Variants in EHBP1 observed in about 807,000 individuals in gnomAD.
The protein encoded by EHBP1 is EH domain binding protein 1, also known as EH domain-binding protein 1.
In EHBP1, 55 loss-of-function variants were observed where a neutral mutation model predicts 144.0. The observed-to-expected ratio is 0.38, with a 90% CI of 0.31 to 0.48. The LOEUF (loss-of-function observed/expected upper bound fraction) is 0.48. Ranked by LOEUF, EHBP1 falls within the 20% of genes least tolerant of loss-of-function variation. The probability of loss-of-function intolerance (pLI) is 0.98; values close to 1 mark genes in which losing one functional copy is unlikely to be tolerated. For missense variants in EHBP1, 1,200 were observed against 1,364.2 expected (o/e 0.88, Z 1.90); for synonymous variants, 469 against 472.7 (o/e 0.99, Z 0.10).
intron 13 of EHBP1, among the ~76,000 whole-genome samples, chr2:62,950,205 A>G (rs2057302666): frequency 1.3e-5 from 2 of 151,894 alleles, no homozygotes; most frequent in African/African-American, 4.8e-5. Flanking sequence ...TCAAAGCCAG[A>G]TTTGGGGGCC....
intron 7 of EHBP1, among the ~76,000 whole-genome samples, chr2:62,855,598 T>TG (rs2048993312): frequency 6.6e-6 from 1 of 152,102 alleles, no homozygotes. Flanking sequence ...CCAATCAGCA[T>TG]GCAATTCCTC....
At chr2:62,748,307 G>A (rs909457391) in intron 3 of EHBP1, among the ~76,000 whole-genome samples, 1 of 152,002 alleles carries the variant, frequency 6.6e-6, no homozygotes, top group Admixed American at 6.6e-5. Context: ...TTTTGTTTGT[G>A]GGGAGTGGAA....
chr2:62,799,966 C>T (rs2043854835), intron 5 of EHBP1, among the ~76,000 whole-genome samples: 2 of 152,144 alleles, frequency 1.3e-5, no homozygotes, highest in African/African-American at 4.8e-5. Flanking sequence ...AGTATATTGA[C>T]CACATTAAAA....
chr2:62,870,111 CTA>C (rs1030287426), intron 9 of EHBP1, among the ~76,000 whole-genome samples: 2 of 152,038 alleles, frequency 1.3e-5, no homozygotes, highest in Non-Finnish European at 2.9e-5. Context: ...TCAAAACACT[CTA>C]TATGTGGGTT....
At chr2:62,853,117 C>T (rs777790039) in intron 7 of EHBP1, among the ~76,000 whole-genome samples, 1 of 152,138 alleles carries the variant, frequency 6.6e-6, no homozygotes, top group Non-Finnish European at 1.5e-5. Flanking sequence ...AGATCTATAA[C>T]ATACCTCTGA....
chr2:62,825,941 A>G lies in EHBP1; in HGVS notation c.313-146A>G, dbSNP rs773699253. 5.0e-4 allele frequency: 261 copies of G among 527,100 alleles called. 1 individual carries two copies. The highest frequency in any genetic ancestry group is 7.1e-4 in the Non-Finnish European group (237 of 331,908). 32.7% of individuals were successfully genotyped at this position (527,100 alleles called of 1,614,324 possible). The stretch of plus-strand genomic sequence containing the variant: ...ACAACTGTGATACAACTTCATTGTA[A>G]TTTTATTTAGTTATTGTGTGATAGG... On this transcript the variant is annotated intron_variant, in intron 5 of 22. Coordinates refer to ENST00000431489, the MANE Select transcript of EHBP1 (RefSeq NM_001142616.3).
Position 62,829,691 on chromosome 2 carries a change from TATATA to T in EHBP1, c.495-1322_495-1318del, listed in dbSNP as rs1346061608. On this transcript the variant is annotated intron_variant, in intron 6 of 22. Coordinates refer to ENST00000431489, the MANE Select transcript of EHBP1 (RefSeq NM_001142616.3). ...ATATAGTGGTATTGTGTATATATAATATATAATATATAATAATATATAAATACGTA... is the reference window on the plus strand; with the variant it reads ...ATATAGTGGTATTGTGTATATATAATATATATAATAATATATAAATACGTA... Among the ~76,000 whole-genome samples, 5 of 146,774 alleles carry T rather than the reference TATATA, an allele frequency of 3.4e-5. No individual in the cohort carries two copies. The East Asian group carries it at 9.7e-4, about 29-fold the overall frequency.
intron 6 of EHBP1, among the ~76,000 whole-genome samples, chr2:62,830,163 C>T (rs1164187582): frequency 6.0e-5 from 4 of 66,324 alleles, no homozygotes; most frequent in African/African-American, 9.4e-5. Context: ...GACACACACA[C>T]ACACACACAC....
chr2:62,996,895 G>A, intron 19 of EHBP1, 129 bp downstream of exon 19: 1 of 1,323,282 alleles, frequency 7.6e-7, no homozygotes, highest in South Asian at 1.4e-5. Flanking sequence ...TAAAAAGGCT[G>A]CGATTTGCAG....
chr2:63,023,576 C>T (rs2060848822), intron 19 of EHBP1, among the ~76,000 whole-genome samples: 1 of 152,182 alleles, frequency 6.6e-6, no homozygotes. Context: ...GTAGACTGCT[C>T]TTCTACTCTT....
intron 5 of EHBP1, among the ~76,000 whole-genome samples, chr2:62,808,064 A>C (rs1048999101): frequency 6.6e-6 from 1 of 151,702 alleles, no homozygotes; most frequent in African/African-American, 2.4e-5. Context: ...AAAAAAAAAA[A>C]AAAGAAAGAA....
intron 10 of EHBP1, among the ~76,000 whole-genome samples, chr2:62,916,586 C>G (rs2054634104): frequency 2.0e-5 from 3 of 149,164 alleles, no homozygotes; most frequent in African/African-American, 7.4e-5. Context: ...GAGCGAGACT[C>G]TGTCTCAAAA....
chr2:62,979,486 G>A, intron 15 of EHBP1, 151 bp downstream of exon 15: 1 of 819,424 alleles, frequency 1.2e-6, no homozygotes, highest in Non-Finnish European at 1.8e-6. Context: ...AGGAAGCATA[G>A]TAAATTAGAA....
intron 3 of EHBP1, among the ~76,000 whole-genome samples, chr2:62,759,402 G>T (rs545899124): frequency 2.0e-5 from 3 of 152,152 alleles, no homozygotes; most frequent in Admixed American, 1.3e-4. Flanking sequence ...CCAATATGGT[G>T]TGCTTTTTCT....
intron 10 of EHBP1, among the ~76,000 whole-genome samples, chr2:62,936,669 T>C (rs1259987149): frequency 6.6e-6 from 1 of 151,858 alleles, no homozygotes; most frequent in African/African-American, 2.4e-5. Context: ...GGTTGATGTT[T>C]TGTAGAAGAT....
chr2:62,861,496 A>C (rs573328708), intron 8 of EHBP1, among the ~76,000 whole-genome samples: 25 of 151,004 alleles, frequency 1.7e-4, no homozygotes, highest in African/African-American at 3.4e-4. Context: ...GTAATCCTAG[A>C]ACTTTGGGAG....
At chr2:62,777,040 T>G (rs1014984997) in intron 5 of EHBP1, among the ~76,000 whole-genome samples, 14 of 152,232 alleles carry the variant, frequency 9.2e-5, no homozygotes, top group Non-Finnish European at 1.8e-4. Context: ...AGTGTTGTGA[T>G]CATGGCTCAC....
intron 5 of EHBP1, among the ~76,000 whole-genome samples, chr2:62,782,013 C>T (rs939311457): frequency 2.0e-5 from 3 of 152,144 alleles, no homozygotes; most frequent in African/African-American, 7.2e-5. Flanking sequence ...GATTAAGTGA[C>T]ACGCCCAAGA....
chr2:62,900,861 T>G (rs533658135), intron 10 of EHBP1, among the ~76,000 whole-genome samples: 2 of 152,230 alleles, frequency 1.3e-5, no homozygotes, highest in East Asian at 3.9e-4. Context: ...AAATATCTTC[T>G]TGGAAAGTAT....
Sources: gnomAD v4.1 joint callset for allele counts (sites outside exome capture counted in the v4.1 genomes callset) on GRCh38, gnomAD v4.1.1 for gene constraint, MANE v1.5 for transcripts, NCBI Gene and HGNC (gene_info 2026-07-23, HGNC 2026-07-21) for gene names.